The following UNC13B variants were observed in gnomAD, a reference collection of about 807,000 sequenced individuals.
The protein encoded by UNC13B is unc-13 homolog B, also known as protein unc-13 homolog B.
UNC13B carries 144 observed loss-of-function variants against 211.0 expected under a neutral mutation model. The observed-to-expected ratio is 0.68, with a 90% CI of 0.60 to 0.78. The LOEUF is 0.78. UNC13B is among the 30% of genes least tolerant of loss of function. UNC13B has a pLI of 0.00. For missense variants in UNC13B, 1,777 were observed against 2,002.0 expected (o/e 0.89, Z 2.14); for synonymous variants, 709 against 725.8 (o/e 0.98, Z 0.37).
At chr9:35,251,681 C>T (rs947530126) in intron 6 of UNC13B, among the ~76,000 whole-genome samples, 1 of 151,466 alleles carries the variant, frequency 6.6e-6, no homozygotes, top group Non-Finnish European at 1.5e-5. Context: ...AAAAAAAAAC[C>T]ACAATGCCAT....
intron 7 of UNC13B, among the ~76,000 whole-genome samples, chr9:35,282,336 T>A (rs1264726137): frequency 6.6e-6 from 1 of 152,212 alleles, no homozygotes; most frequent in Admixed American, 6.6e-5. Flanking sequence ...TCTTTATATG[T>A]TGTCACCCAA....
chr9:35,213,139 G>A (rs1824060980), intron 1 of UNC13B, among the ~76,000 whole-genome samples: 2 of 152,186 alleles, frequency 1.3e-5, no homozygotes, highest in South Asian at 4.1e-4. Flanking sequence ...TCATAAGGTG[G>A]ACTGAATTGT....
At chr9:35,261,408 T>C (rs1403138676) in intron 7 of UNC13B, among the ~76,000 whole-genome samples, 1 of 152,198 alleles carries the variant, frequency 6.6e-6, no homozygotes, top group Non-Finnish European at 1.5e-5. Context: ...ATACAGTCTA[T>C]ATTAAGAACT....
At chr9:35,212,606 G>A (rs1470629391) in intron 1 of UNC13B, among the ~76,000 whole-genome samples, 1 of 152,070 alleles carries the variant, frequency 6.6e-6, no homozygotes, top group Admixed American at 6.6e-5. Context: ...AAAGCCACAT[G>A]AGATATGAAA....
chr9:35,191,242 G>A (rs886114905), intron 1 of UNC13B, among the ~76,000 whole-genome samples: 10 of 152,114 alleles, frequency 6.6e-5, no homozygotes, highest in South Asian at 2.1e-4. Context: ...GTGAGCCACC[G>A]TGCCCTGCCA....
At chr9:35,279,188 G>A (rs141512348) in intron 7 of UNC13B, among the ~76,000 whole-genome samples, 226 of 152,098 alleles carry the variant, frequency 1.5e-3, no homozygotes, top group African/African-American at 5.3e-3. Context: ...CCATTAAACG[G>A]TCACTCTCCA....
At chr9:35,176,742 A>G (rs916301263) in intron 1 of UNC13B, among the ~76,000 whole-genome samples, 1 of 152,104 alleles carries the variant, frequency 6.6e-6, no homozygotes, top group African/African-American at 2.4e-5. Flanking sequence ...AAAAAATACA[A>G]CTGATTTGTG....
At chr9:35,382,624 G>A (rs563634440) in intron 21 of UNC13B, 117 bp downstream of exon 21, 54 of 1,263,010 alleles carry the variant, frequency 4.3e-5, no homozygotes, top group Middle Eastern at 2.5e-4. Flanking sequence ...GTACAGTGGC[G>A]TGGTCTCGGC....
intron 1 of UNC13B, among the ~76,000 whole-genome samples, chr9:35,222,216 G>A (rs1824604381): frequency 1.3e-5 from 2 of 152,052 alleles, no homozygotes; most frequent in Non-Finnish European, 2.9e-5. Context: ...TTTTGATTGG[G>A]TTTGTCTTGA....
At chr9:35,287,486 A>G (rs1375942447) in intron 7 of UNC13B, among the ~76,000 whole-genome samples, 1 of 152,098 alleles carries the variant, frequency 6.6e-6, no homozygotes, top group African/African-American at 2.4e-5. Context: ...CCACAGCCTC[A>G]CTGACGCTTT....
intron 1 of UNC13B, among the ~76,000 whole-genome samples, chr9:35,190,323 CAG>C (rs928556828): frequency 6.6e-6 from 1 of 152,154 alleles, no homozygotes; most frequent in Non-Finnish European, 1.5e-5. Flanking sequence ...CTCAAATGTG[CAG>C]AGTTAAGTAT....
intron 14 of UNC13B, among the ~76,000 whole-genome samples, 158 bp downstream of exon 14, chr9:35,375,359 A>C (rs1229760975): frequency 6.6e-6 from 1 of 152,206 alleles, no homozygotes; most frequent in Non-Finnish European, 1.5e-5. Flanking sequence ...AGTTTTCCAC[A>C]CTGGGAAAGA....
rs1367106254 is a variant in UNC13B at position 35,364,635 on chromosome 9, A to ATG, written c.9415-2302_9415-2301dup. ...CCCTCCCCTCCTTCCCAAGCACTGT[A>ATG]TGTGTGTGTGTATGTGTGTGTGTGT... On this transcript the variant is annotated intron_variant, in intron 11 of 39. Coordinates refer to ENST00000635942, the MANE Select transcript of UNC13B (RefSeq NM_001371189.2). The ATG allele has an allele frequency of 1.1e-5, 16 of 1,481,288 alleles. No homozygotes were observed. In the Admixed American group the frequency reaches 1.4e-4, roughly 13 times the overall value. The allele number at this position is 1,481,288 out of a possible 1,614,324, so 91.8% of individuals were successfully genotyped here.
At chr9:35,251,024 G>A (rs865779595) in intron 6 of UNC13B, among the ~76,000 whole-genome samples, 15 of 139,954 alleles carry the variant, frequency 1.1e-4, no homozygotes, top group Middle Eastern at 3.7e-3. Flanking sequence ...GTGCAGTGGC[G>A]CGATCTCTGC....
At chr9:35,197,775 G>T (rs1283192149) in intron 1 of UNC13B, among the ~76,000 whole-genome samples, 1 of 152,050 alleles carries the variant, frequency 6.6e-6, no homozygotes, top group Non-Finnish European at 1.5e-5. Flanking sequence ...TCTCCCTCCT[G>T]CTCCAACCGG....
chr9:35,307,841 T>A lies in UNC13B; in HGVS notation c.8437T>A (p.Leu2813Met), dbSNP rs1225867906. 4.3e-5 allele frequency: 17 copies of A among 398,854 alleles called. No individual in the cohort carries two copies. In the East Asian group the frequency reaches 6.1e-4, roughly 14 times the overall value. 24.7% of individuals were successfully genotyped at this position (398,854 alleles called of 1,614,324 possible). ...ETGLMSSFKK[L>M]STLFEGSSEG... ...TGGTTTAATGTCCAGTTTTAAGAAG[T>A]TGTCAACTCTATTTGAGGGAAGTAG... Residue 2813 changes from leucine (L) to methionine (M), a missense_variant, in exon 9 of 40, where the codon TTG (leucine) becomes ATG (methionine). Physicochemically the swap from Leu to Met is conservative, Grantham distance 15. Coordinates refer to ENST00000635942, the MANE Select transcript of UNC13B (RefSeq NM_001371189.2).
chr9:35,334,953 A>G (rs1396456604), intron 11 of UNC13B, among the ~76,000 whole-genome samples: 1 of 152,114 alleles, frequency 6.6e-6, no homozygotes, highest in Non-Finnish European at 1.5e-5. Context: ...GAGGAGAATC[A>G]CTTGAACCCG....
chr9:35,348,720 A>G (rs1490899740), intron 11 of UNC13B, among the ~76,000 whole-genome samples: 1 of 152,192 alleles, frequency 6.6e-6, no homozygotes. Context: ...TTAGCTTTAT[A>G]TAATAACATT....
intron 1 of UNC13B, among the ~76,000 whole-genome samples, chr9:35,203,576 T>G (rs992119805): frequency 3.3e-5 from 5 of 152,236 alleles, no homozygotes; most frequent in Admixed American, 3.3e-4. Context: ...CCTTTCTCTC[T>G]GGCTCCCTTA....
Sources: allele counts gnomAD v4.1 joint callset (sites outside exome capture counted in the v4.1 genomes callset), GRCh38; gene constraint gnomAD v4.1.1; transcripts MANE v1.5; gene names NCBI Gene and HGNC (gene_info 2026-07-23, HGNC 2026-07-21).